PHF12: variants seen among roughly 807,000 people sequenced by gnomAD.
The protein encoded by PHF12 is PHD finger protein 12, also known as PHD factor 1.
A neutral mutation model predicts 99.8 loss-of-function variants in PHF12; 6 were observed. The observed-to-expected ratio is 0.06, with a 90% CI of 0.03 to 0.12. The LOEUF is 0.12. Among genes scored for constraint, PHF12 ranks in the 10% least tolerant of loss-of-function variants. The probability of loss-of-function intolerance (pLI) is 1.00; values close to 1 mark genes in which losing one functional copy is unlikely to be tolerated. For missense variants in PHF12, 954 were observed against 1,300.1 expected (o/e 0.73, Z 4.09); for synonymous variants, 480 against 514.9 (o/e 0.93, Z 0.92).
chr17:28,919,325 A>G, intron 5 of PHF12, 50 bp from the exon 6 acceptor site: 1 of 1,595,080 alleles, frequency 6.3e-7, no homozygotes. Flanking sequence ...AGGAAAATTC[A>G]AACTAACTTT....
intron 2 of PHF12, among the ~76,000 whole-genome samples, chr17:28,942,093 T>C (rs1252610398): frequency 6.6e-6 from 1 of 152,164 alleles, no homozygotes; most frequent in East Asian, 1.9e-4. Flanking sequence ...TGCAGAAAAG[T>C]TGAAACAACA....
chr17:28,932,805 G>C (rs1326716707), intron 2 of PHF12, among the ~76,000 whole-genome samples: 1 of 152,202 alleles, frequency 6.6e-6, no homozygotes. Context: ...AATTGGCTGG[G>C]TGTGGTGGTG....
chr17:28,920,243 C>G (rs2152664020), intron 5 of PHF12, among the ~76,000 whole-genome samples: 1 of 152,318 alleles, frequency 6.6e-6, no homozygotes, highest in South Asian at 2.1e-4. Context: ...ATCTAGTTCC[C>G]TTTCCCTATA....
intron 13 of PHF12, 124 bp downstream of exon 13, chr17:28,907,466 A>T: frequency 1.1e-6 from 1 of 872,392 alleles, no homozygotes; most frequent in South Asian, 1.6e-5. Flanking sequence ...AATGACAGGG[A>T]GGGAAGAAAA....
chr17:28,916,005 T>C (rs530446616), intron 7 of PHF12, among the ~76,000 whole-genome samples: 1 of 152,364 alleles, frequency 6.6e-6, no homozygotes, highest in African/African-American at 2.4e-5. Flanking sequence ...GGATTACTTT[T>C]AGATCTGTTT....
intron 2 of PHF12, chr17:28,944,436 A>G: frequency 1.1e-6 from 1 of 896,384 alleles, no homozygotes; most frequent in Non-Finnish European, 1.3e-6. Flanking sequence ...CTCATTTCAT[A>G]ACAATTAGCC....
At chr17:28,943,193 C>T (rs566302503) in intron 2 of PHF12, among the ~76,000 whole-genome samples, 1 of 152,146 alleles carries the variant, frequency 6.6e-6, no homozygotes, top group South Asian at 2.1e-4. Context: ...GAAATTAGAA[C>T]CCTCCTACAC....
Position 28,917,401 on chromosome 17 carries a change from G to A in PHF12, c.1018C>T (p.Arg340Cys), listed in dbSNP as rs895900995. ...TGCTGCGAAACGGTGTCCTGGAAAC[G>A]ATCAAACACCTGGCACCGATTGCTC... ...TLSNRCQVFD[R>C]FQDTVSQHVV... The change falls in exon 7 of 15, where the codon CGT becomes TGT. Residue 340 changes from arginine (R) to cysteine (C), a missense_variant. Physicochemically the swap from Arg to Cys is radical, Grantham distance 180. Coordinates refer to ENST00000332830, the MANE Select transcript of PHF12 (RefSeq NM_001033561.2). 1.9e-6 allele frequency: 3 copies of A among 1,613,842 alleles called. No homozygotes were observed. Among genetic ancestry groups the A allele is most frequent in the Admixed American group, 1.7e-5 (1 of 59,972 alleles).
At chr17:28,940,346 T>A (rs2040591404) in intron 2 of PHF12, among the ~76,000 whole-genome samples, 1 of 152,228 alleles carries the variant, frequency 6.6e-6, no homozygotes, top group Non-Finnish European at 1.5e-5. Context: ...TGAGCATTTA[T>A]GTAGTACGAT....
intron 2 of PHF12, among the ~76,000 whole-genome samples, chr17:28,947,187 T>C (rs2040735893): frequency 6.6e-6 from 1 of 151,740 alleles, no homozygotes. Context: ...TTCACTATGT[T>C]GGCCAGGCTG....
In PHF12 at chr17:28,923,890, T is replaced by C. The variant is rs781377582; in HGVS notation, c.715+19A>G. ...GGGAAACTGGGGTTGGGAAGGGATA[T>C]GATGATGGTTTGGCTGACCTGGTAG... On this transcript the variant is annotated intron_variant, in intron 4 of 14. Coordinates refer to ENST00000332830, the MANE Select transcript of PHF12 (RefSeq NM_001033561.2). 3.1e-6 allele frequency: 5 copies of C among 1,592,640 alleles called. No homozygotes were observed. Among genetic ancestry groups the C allele is most frequent in the Admixed American group, 1.7e-5 (1 of 58,194 alleles).
At chr17:28,941,721 A>C (rs1950373464) in intron 2 of PHF12, among the ~76,000 whole-genome samples, 1 of 151,980 alleles carries the variant, frequency 6.6e-6, no homozygotes, top group African/African-American at 2.4e-5. Flanking sequence ...CTCCTGCCTC[A>C]GCCTCCCAAG....
At chr17:28,942,090 A>G (rs1453029202) in intron 2 of PHF12, among the ~76,000 whole-genome samples, 1 of 152,204 alleles carries the variant, frequency 6.6e-6, no homozygotes, top group Non-Finnish European at 1.5e-5. Flanking sequence ...ACATGCAGAA[A>G]AGTTGAAACA....
At chr17:28,927,110 G>T in intron 2 of PHF12, 47 bp from the exon 3 acceptor site, 1 of 1,547,308 alleles carries the variant, frequency 6.5e-7, no homozygotes, top group Non-Finnish European at 8.9e-7. Flanking sequence ...GCCCTTTGAG[G>T]CAGTAGGAAA....
chr17:28,924,411 T>A, intron 3 of PHF12, 109 bp from the exon 4 acceptor site: 1 of 1,432,292 alleles, frequency 7.0e-7, no homozygotes, highest in Non-Finnish European at 9.7e-7. Flanking sequence ...GGCCTTCACA[T>A]ATCACAGACT....
At chr17:28,917,149 C>T (rs2040076282) in intron 7 of PHF12, 136 bp downstream of exon 7, 2 of 1,159,920 alleles carry the variant, frequency 1.7e-6, no homozygotes, top group South Asian at 1.4e-5. Context: ...GAAGGTCACA[C>T]TCATTACTCA....
At chr17:28,910,875 C>G (rs1354486155) in intron 10 of PHF12, 1 of 520,032 alleles carries the variant, frequency 1.9e-6, no homozygotes, top group East Asian at 3.6e-5. Flanking sequence ...CAGCTTGGCT[C>G]TGTCCTCCCT....
At position 28,906,654 on chromosome 17, in the gene PHF12, T is replaced by C; in HGVS notation, c.2681-137A>G. 1 of 1,233,022 alleles carries C rather than the reference T, an allele frequency of 8.1e-7. No individual in the cohort carries two copies. The highest frequency in any genetic ancestry group is 1.1e-6 in the Non-Finnish European group (1 of 895,674). The allele number at this position is 1,233,022 out of a possible 1,614,324, so 76.4% of individuals were successfully genotyped here. A position where few individuals can be genotyped will look rare whatever the true frequency, so the allele number is the denominator to read the frequency against. On this transcript the variant is annotated intron_variant, in intron 14 of 14. Coordinates refer to ENST00000332830, the MANE Select transcript of PHF12 (RefSeq NM_001033561.2). This position sits in a 1 kb window ranked among gnomAD's most constrained non-coding sequence, Gnocchi z 4.2. ...GGGAGGAAGGATGCTCAGAAAGGGT[T>C]GGTGGAGTCTGAAGTCCCCACAGGT...
chr17:28,921,394 C>G (rs1438173951), intron 5 of PHF12, among the ~76,000 whole-genome samples: 1 of 152,084 alleles, frequency 6.6e-6, no homozygotes, highest in African/African-American at 2.4e-5. Context: ...CTCAAGCTCC[C>G]AGGTTCAAAC....
Sources: gnomAD v4.1 joint callset for allele counts (sites outside exome capture counted in the v4.1 genomes callset) on GRCh38, gnomAD v4.1.1 for gene constraint, Gnocchi (gnomAD v3.1) non-coding constraint, MANE v1.5 for transcripts, NCBI Gene and HGNC (gene_info 2026-07-23, HGNC 2026-07-21) for gene names.